The following EYS variants were observed in gnomAD, a reference collection of about 807,000 sequenced individuals.
EYS encodes EGF-like photoreceptor maintenance factor.
Under a neutral mutation model 282.1 loss-of-function variants are expected in EYS, and 250 were observed. The ratio of observed to expected loss-of-function variants is 0.89; its 90% CI spans 0.80 to 0.98. The LOEUF (loss-of-function observed/expected upper bound fraction) is 0.98. EYS is among the 50% of genes least tolerant of loss of function. EYS has a pLI of 0.00. For synonymous variants in EYS, 1,355 were observed against 1,282.9 expected, an observed-to-expected ratio of 1.06 and a Z score of -1.20; for missense variants, 4,016 against 3,709.0, an observed-to-expected ratio of 1.08 and a Z score of -2.15.
intron 35 of EYS, among the ~76,000 whole-genome samples, chr6:63,916,194 A>T (rs142060438): frequency 4.1e-4 from 63 of 152,330 alleles, no homozygotes; most frequent in African/African-American, 1.5e-3. Context: ...GCAGCCATCA[A>T]CATCCAGACA....
chr6:63,881,617 T>G (rs1384538678), intron 35 of EYS, among the ~76,000 whole-genome samples: 1 of 152,198 alleles, frequency 6.6e-6, no homozygotes, highest in Non-Finnish European at 1.5e-5. Flanking sequence ...TTTCCAGAAC[T>G]TACTAAATCT....
chr6:65,440,655 T>C (rs1768278322), intron 5 of EYS, among the ~76,000 whole-genome samples: 1 of 151,292 alleles, frequency 6.6e-6, no homozygotes, highest in Admixed American at 6.6e-5. Context: ...AAGCTGACCA[T>C]GTAAAGCTAA....
intron 22 of EYS, among the ~76,000 whole-genome samples, chr6:64,761,592 G>T (rs1198438527): frequency 1.3e-5 from 2 of 152,162 alleles, no homozygotes; most frequent in Admixed American, 1.3e-4. Flanking sequence ...GAGCAGCTGG[G>T]ACTACTGGCG....
At chr6:64,862,685 A>T (rs1583234321) in intron 19 of EYS, among the ~76,000 whole-genome samples, 2 of 151,868 alleles carry the variant, frequency 1.3e-5, no homozygotes, top group South Asian at 4.2e-4. Context: ...AATTATTATT[A>T]TTTTTTTGCA....
chr6:65,189,499 TA>T (rs1765592198), intron 12 of EYS, among the ~76,000 whole-genome samples: 1 of 151,828 alleles, frequency 6.6e-6, no homozygotes, highest in Admixed American at 6.6e-5. Flanking sequence ...AGTTTAATGT[TA>T]GTATAAAATA....
chr6:64,909,420 T>C (rs60233696), intron 16 of EYS, among the ~76,000 whole-genome samples: 9,472 of 152,208 alleles, frequency 0.062, 505 homozygotes, highest in African/African-American at 0.15. Context: ...AGAAATCTCA[T>C]AAAATGTGCC....
intron 1 of EYS, among the ~76,000 whole-genome samples, chr6:65,688,856 T>C (rs1373083923): frequency 2.0e-5 from 3 of 151,670 alleles, no homozygotes; most frequent in African/African-American, 7.3e-5. Flanking sequence ...ATGGCGATCA[T>C]TAAAAAGTCA....
At chr6:65,171,515 A>G (rs909942013) in intron 12 of EYS, among the ~76,000 whole-genome samples, 6 of 151,140 alleles carry the variant, frequency 4.0e-5, no homozygotes, top group African/African-American at 1.2e-4. Context: ...TGTAAGACCC[A>G]AAATGCCAGA....
chr6:63,880,753 T>C lies in EYS; in HGVS notation c.7056-16395A>G, dbSNP rs554437698. Among the ~76,000 whole-genome samples, 8 of 152,328 alleles carry C rather than the reference T, an allele frequency of 5.3e-5. No individual in the cohort carries two copies. The South Asian group carries it at 1.5e-3, about 28-fold the overall frequency. On this transcript the variant is annotated intron_variant, in intron 35 of 42. Coordinates refer to ENST00000503581, the MANE Select transcript of EYS (RefSeq NM_001142800.2). ...ATCCTGAAAGGGGTAATTTCAGTTT[T>C]AAATACAAGAGGCTGAAAGTGGCTT...
intron 26 of EYS, among the ~76,000 whole-genome samples, chr6:64,531,481 G>A (rs1331897889): frequency 6.6e-6 from 1 of 150,644 alleles, no homozygotes; most frequent in Admixed American, 6.7e-5. Flanking sequence ...CCGCCTCCCG[G>A]ATTCACGCCA....
At chr6:64,280,301 G>A (rs1014477938) in intron 30 of EYS, among the ~76,000 whole-genome samples, 1 of 152,048 alleles carries the variant, frequency 6.6e-6, no homozygotes, top group Non-Finnish European at 1.5e-5. Context: ...GTTTCATCAT[G>A]AAAAAGATTG....
At chr6:65,268,787 C>T (rs1055736458) in intron 12 of EYS, among the ~76,000 whole-genome samples, 5 of 141,274 alleles carry the variant, frequency 3.5e-5, no homozygotes, top group African/African-American at 5.1e-5. Context: ...TGTAACATAA[C>T]GTGGTATTTC....
At chr6:65,031,494 T>C (rs976535354) in intron 13 of EYS, among the ~76,000 whole-genome samples, 1 of 152,006 alleles carries the variant, frequency 6.6e-6, no homozygotes, top group Non-Finnish European at 1.5e-5. Flanking sequence ...AAATAATTGT[T>C]AGTAAATTCA....
chr6:64,335,603 T>G (rs1343453444), intron 29 of EYS, among the ~76,000 whole-genome samples: 1 of 152,066 alleles, frequency 6.6e-6, no homozygotes, highest in Non-Finnish European at 1.5e-5. Context: ...GCTGAGCCAG[T>G]TATCACTTCA....
At chr6:64,372,887 T>G (rs556711223) in intron 29 of EYS, among the ~76,000 whole-genome samples, 1 of 152,274 alleles carries the variant, frequency 6.6e-6, no homozygotes, top group South Asian at 2.1e-4. Context: ...ATTATGAAAT[T>G]TTTCTAGTGT....
chr6:64,304,402 G>C (rs1463054129), intron 30 of EYS, among the ~76,000 whole-genome samples: 2 of 152,106 alleles, frequency 1.3e-5, no homozygotes, highest in Non-Finnish European at 2.9e-5. Flanking sequence ...GATAAGTAAG[G>C]AAATAGAGGA....
intron 1 of EYS, among the ~76,000 whole-genome samples, chr6:65,666,388 G>T (rs1403719381): frequency 6.6e-6 from 1 of 151,720 alleles, no homozygotes; most frequent in Non-Finnish European, 1.5e-5. Flanking sequence ...TTTCTTATTT[G>T]CTTTGTTCTC....
At chr6:63,726,001 TA>T (rs1041286582) in intron 42 of EYS, among the ~76,000 whole-genome samples, 4 of 152,294 alleles carry the variant, frequency 2.6e-5, no homozygotes, top group African/African-American at 9.6e-5. Context: ...AATTAAATTT[TA>T]AAACACTAAT....
At chr6:64,669,075 A>G (rs1344373547) in intron 22 of EYS, among the ~76,000 whole-genome samples, 1 of 152,166 alleles carries the variant, frequency 6.6e-6, no homozygotes, top group Non-Finnish European at 1.5e-5. Context: ...ATAATGCTGT[A>G]AAAAATAGCA....
Sources: allele counts gnomAD v4.1 joint callset (sites outside exome capture counted in the v4.1 genomes callset), GRCh38; gene constraint gnomAD v4.1.1; transcripts MANE v1.5; gene names NCBI Gene and HGNC (gene_info 2026-07-23, HGNC 2026-07-21).